Variants in MACROD2 observed in about 807,000 individuals in gnomAD.
MACROD2 encodes mono-ADP ribosylhydrolase 2.
A neutral mutation model predicts 70.4 loss-of-function variants in MACROD2; 36 were observed. That is an observed-to-expected ratio of 0.51 (90% CI 0.39 to 0.68). The LOEUF is 0.68. Ranked by LOEUF, MACROD2 falls within the 30% of genes least tolerant of loss-of-function variation. The probability of loss-of-function intolerance (pLI) is 0.00; values close to 1 mark genes in which losing one functional copy is unlikely to be tolerated. For synonymous variants in MACROD2, 172 were observed against 178.8 expected (o/e 0.96, Z 0.30); for missense variants, 496 against 538.4 (o/e 0.92, Z 0.78).
chr20:14,864,602 A>G lies in MACROD2; in HGVS notation c.418+179643A>G, dbSNP rs548524481. 2.4e-4 allele frequency among the ~76,000 whole-genome samples: 37 copies of G among 152,148 alleles called. 1 individual carries two copies. Among genetic ancestry groups the G allele is most frequent in the Non-Finnish European group, 4.3e-4 (29 of 68,032 alleles). On this transcript the variant is annotated intron_variant, in intron 5 of 17. Coordinates refer to ENST00000684519, the MANE Select transcript of MACROD2 (RefSeq NM_001351661.2). Reference sequence around the variant, plus strand: ...ACAAATTTCTTTTCCCTATAGAGAAATAGTGAGTGTTGAACCGACGGACCT... The same window carrying G: ...ACAAATTTCTTTTCCCTATAGAGAAGTAGTGAGTGTTGAACCGACGGACCT...
intron 6 of MACROD2, among the ~76,000 whole-genome samples, chr20:15,389,348 G>C (rs1185129834): frequency 6.6e-6 from 1 of 152,122 alleles, no homozygotes; most frequent in Non-Finnish European, 1.5e-5. Flanking sequence ...AGAAGGAGAA[G>C]GAAGAGTGAA....
At chr20:14,458,905 T>A (rs1011293191) in intron 3 of MACROD2, among the ~76,000 whole-genome samples, 1 of 152,122 alleles carries the variant, frequency 6.6e-6, no homozygotes, top group African/African-American at 2.4e-5. Context: ...TACTGTATGT[T>A]CTTTTCTTAA....
chr20:14,439,821 TTTTTG>T (rs1389175253), intron 3 of MACROD2, among the ~76,000 whole-genome samples: 2 of 152,154 alleles, frequency 1.3e-5, no homozygotes, highest in African/African-American at 4.8e-5. Flanking sequence ...GTGAAAAGGT[TTTTTG>T]TTTTGTTTTG....
At chr20:14,216,466 T>C (rs531271144) in intron 3 of MACROD2, among the ~76,000 whole-genome samples, 41 of 152,328 alleles carry the variant, frequency 2.7e-4, no homozygotes, top group African/African-American at 9.4e-4. Context: ...TCTTTTTGCT[T>C]AGTCTTGCTT....
At chr20:14,987,740 T>C (rs1207836645) in intron 5 of MACROD2, among the ~76,000 whole-genome samples, 18 of 152,194 alleles carry the variant, frequency 1.2e-4, no homozygotes, top group Admixed American at 1.2e-3. Context: ...CCAATATGTA[T>C]TGAATATATA....
intron 17 of MACROD2, among the ~76,000 whole-genome samples, chr20:16,047,098 A>G (rs1194317522): frequency 6.6e-6 from 1 of 152,224 alleles, no homozygotes; most frequent in African/African-American, 2.4e-5. Context: ...CCTAAGCAAT[A>G]GCAAGTTTCT....
chr20:14,735,943 T>C (rs1403737666), intron 5 of MACROD2, among the ~76,000 whole-genome samples: 1 of 152,140 alleles, frequency 6.6e-6, no homozygotes, highest in East Asian at 1.9e-4. Context: ...AATGTAGAAT[T>C]ACCATATGAT....
At chr20:15,789,636 G>A (rs1434717160) in intron 8 of MACROD2, among the ~76,000 whole-genome samples, 1 of 151,756 alleles carries the variant, frequency 6.6e-6, no homozygotes. Context: ...GAATGAAAAG[G>A]AGGTGGCAAA....
chr20:15,966,607 T>C (rs1001212178), intron 12 of MACROD2, among the ~76,000 whole-genome samples: 15 of 152,150 alleles, frequency 9.9e-5, no homozygotes, highest in Non-Finnish European at 7.4e-5. Flanking sequence ...GTGGGCATGG[T>C]GGCCTGTGCC....
At chr20:15,365,321 A>C (rs1324653817) in intron 6 of MACROD2, among the ~76,000 whole-genome samples, 1 of 152,140 alleles carries the variant, frequency 6.6e-6, no homozygotes, top group Non-Finnish European at 1.5e-5. Context: ...GTAAGCCACA[A>C]ACTTGGAGCC....
chr20:14,633,664 G>C (rs529740661), intron 4 of MACROD2, among the ~76,000 whole-genome samples: 1 of 152,128 alleles, frequency 6.6e-6, no homozygotes, highest in Non-Finnish European at 1.5e-5. Flanking sequence ...CCCAGTTATC[G>C]AGGCTTCCCT....
chr20:14,107,708 G>C (rs2054389572), intron 3 of MACROD2, among the ~76,000 whole-genome samples: 2 of 152,072 alleles, frequency 1.3e-5, no homozygotes, highest in Non-Finnish European at 2.9e-5. Context: ...TGGAAACCCT[G>C]CATGCCAGGA....
chr20:15,241,849 G>A (rs1001452431), intron 6 of MACROD2, among the ~76,000 whole-genome samples: 5 of 151,476 alleles, frequency 3.3e-5, no homozygotes, highest in Admixed American at 2.0e-4. Flanking sequence ...AGGGAAACAA[G>A]GACTCATAGA....
At chr20:14,232,268 C>T (rs544622849) in intron 3 of MACROD2, among the ~76,000 whole-genome samples, 97 of 152,288 alleles carry the variant, frequency 6.4e-4, no homozygotes, top group African/African-American at 2.1e-3. Context: ...AAGCATTGGC[C>T]TCAAACTAAA....
At chr20:14,354,485 A>T (rs1601522072) in intron 3 of MACROD2, among the ~76,000 whole-genome samples, 2 of 152,240 alleles carry the variant, frequency 1.3e-5, no homozygotes, top group South Asian at 4.1e-4. Context: ...TGCTTGCTAT[A>T]TCCTAGCAGT....
chr20:15,650,688 T>A (rs938792486), intron 8 of MACROD2, among the ~76,000 whole-genome samples: 2 of 152,242 alleles, frequency 1.3e-5, no homozygotes, highest in African/African-American at 4.8e-5. Flanking sequence ...GTTCTGTTCA[T>A]GATACTGCCT....
Position 15,050,533 on chromosome 20 carries a change from C to CTTTTTTTTTTTTT in MACROD2, c.419-179393_419-179381dup, listed in dbSNP as rs386393390. Reference sequence around the variant, plus strand: ...GTCTTTTTACACTTTCTATTTAGGTCTTTTTTTTTTTTTTTTTTTTTTTTT... The same window carrying CTTTTTTTTTTTTT: ...GTCTTTTTACACTTTCTATTTAGGTCTTTTTTTTTTTTTTTTTTTTTTTTTTTTTTTTTTTTTT... On this transcript the variant is annotated intron_variant, in intron 5 of 17. Coordinates refer to ENST00000684519, the MANE Select transcript of MACROD2 (RefSeq NM_001351661.2). Among the ~76,000 whole-genome samples, 23 of 77,900 alleles carry CTTTTTTTTTTTTT rather than the reference C, an allele frequency of 3.0e-4. 3 individuals are homozygous for CTTTTTTTTTTTTT. The highest frequency in any genetic ancestry group is 1.2e-3 in the African/African-American group (20 of 16,048). 51.1% of individuals were successfully genotyped at this position (77,900 alleles called of 152,430 possible).
At chr20:14,785,165 A>T (rs149815063) in intron 5 of MACROD2, among the ~76,000 whole-genome samples, 73 of 149,098 alleles carry the variant, frequency 4.9e-4, no homozygotes, top group African/African-American at 1.7e-3. Context: ...TCTCTCATGA[A>T]CACACACAAA....
At chr20:14,136,718 G>T (rs2148703150) in intron 3 of MACROD2, among the ~76,000 whole-genome samples, 1 of 152,288 alleles carries the variant, frequency 6.6e-6, no homozygotes, top group African/African-American at 2.4e-5. Context: ...TGTGTGCTGA[G>T]TTTCACAGTG....
Sources: allele counts gnomAD v4.1 joint callset (sites outside exome capture counted in the v4.1 genomes callset), GRCh38; gene constraint gnomAD v4.1.1; transcripts MANE v1.5; gene names NCBI Gene and HGNC (gene_info 2026-07-23, HGNC 2026-07-21).